LSAMP: variants seen among roughly 807,000 people sequenced by gnomAD.
LSAMP encodes limbic system-associated membrane protein.
LSAMP carries 7 observed loss-of-function variants against 38.6 expected under a neutral mutation model. The ratio of observed to expected loss-of-function variants is 0.18; its 90% CI spans 0.10 to 0.34. The LOEUF (loss-of-function observed/expected upper bound fraction) is 0.34, where lower values mean the gene tolerates loss of function less well. LSAMP is among the 10% of genes least tolerant of loss of function. LSAMP has a pLI of 1.00. For synonymous variants in LSAMP, 154 were observed against 166.8 expected, an observed-to-expected ratio of 0.92 and a Z score of 0.59; for missense variants, 313 against 420.0, an observed-to-expected ratio of 0.75 and a Z score of 2.23.
chr3:116,099,320 C>T (rs1044063716), intron 1 of LSAMP, among the ~76,000 whole-genome samples: 2 of 152,156 alleles, frequency 1.3e-5, no homozygotes, highest in African/African-American at 2.4e-5. Flanking sequence ...CATTTTCCCT[C>T]ACAAAGACTC....
chr3:116,068,753 T>A (rs1233003410), intron 2 of LSAMP, among the ~76,000 whole-genome samples: 1 of 152,230 alleles, frequency 6.6e-6, no homozygotes, highest in Non-Finnish European at 1.5e-5. Context: ...TGAATGTTAA[T>A]GTTAGAAAAT....
chr3:115,999,937 C>G (rs757704452), intron 3 of LSAMP, among the ~76,000 whole-genome samples: 41 of 152,250 alleles, frequency 2.7e-4, no homozygotes, highest in Non-Finnish European at 5.6e-4. Flanking sequence ...ATGTGGCGTT[C>G]CCCAGTCATT....
intron 4 of LSAMP, among the ~76,000 whole-genome samples, chr3:115,845,592 G>C (rs1187884356): frequency 6.6e-6 from 1 of 152,132 alleles, no homozygotes; most frequent in Non-Finnish European, 1.5e-5. Context: ...CTCCATGTCA[G>C]AAGGCTTATT....
At chr3:116,056,436 C>A (rs1306287163) in intron 2 of LSAMP, among the ~76,000 whole-genome samples, 2 of 152,014 alleles carry the variant, frequency 1.3e-5, no homozygotes, top group East Asian at 3.9e-4. Flanking sequence ...GGAATAGAAA[C>A]CAAAACTAAA....
intron 1 of LSAMP, among the ~76,000 whole-genome samples, chr3:116,178,148 T>A (rs1006606552): frequency 5.9e-5 from 9 of 151,994 alleles, no homozygotes; most frequent in Admixed American, 5.9e-4. Flanking sequence ...TGAATACATA[T>A]GCATGCAAAA....
intron 6 of LSAMP, 114 bp from the exon 7 acceptor site, chr3:115,810,528 A>G (rs1933790097): frequency 2.7e-6 from 2 of 727,344 alleles, no homozygotes; most frequent in Non-Finnish European, 4.8e-6. Context: ...CTAGCATCTC[A>G]AAGTTACTGC....
intron 1 of LSAMP, among the ~76,000 whole-genome samples, chr3:116,442,574 A>G (rs1044149372): frequency 1.3e-5 from 2 of 152,204 alleles, no homozygotes; most frequent in Non-Finnish European, 2.9e-5. Context: ...AAGGTCAGCT[A>G]AGAAGACAAA....
intron 3 of LSAMP, among the ~76,000 whole-genome samples, chr3:115,943,421 C>A (rs1456347295): frequency 6.6e-6 from 1 of 152,164 alleles, no homozygotes; most frequent in African/African-American, 2.4e-5. Context: ...ACCTCTCTTC[C>A]TCTTCACTGA....
At chr3:116,210,990 C>A (rs1406704336) in intron 1 of LSAMP, among the ~76,000 whole-genome samples, 1 of 151,238 alleles carries the variant, frequency 6.6e-6, no homozygotes. Flanking sequence ...CAATGGAATA[C>A]TACTCAACCT....
chr3:115,935,607 TG>T (rs1227204553), intron 3 of LSAMP, among the ~76,000 whole-genome samples: 1 of 152,296 alleles, frequency 6.6e-6, no homozygotes, highest in East Asian at 1.9e-4. Flanking sequence ...GAGAGTTGAT[TG>T]GGTAGCCACT....
intron 2 of LSAMP, among the ~76,000 whole-genome samples, chr3:116,027,749 T>C (rs999605834): frequency 6.6e-6 from 1 of 152,172 alleles, no homozygotes; most frequent in African/African-American, 2.4e-5. Context: ...TTTTAATGCC[T>C]TTATACTTGG....
chr3:116,214,264 A>G (rs1429767545), intron 1 of LSAMP, among the ~76,000 whole-genome samples: 1 of 152,198 alleles, frequency 6.6e-6, no homozygotes. Flanking sequence ...GCTTATCATT[A>G]TTTCAGCTAA....
At chr3:116,084,849 T>A (rs1707952232) in intron 2 of LSAMP, among the ~76,000 whole-genome samples, 1 of 152,120 alleles carries the variant, frequency 6.6e-6, no homozygotes, top group African/African-American at 2.4e-5. Context: ...CGAGATAATC[T>A]GAATAACTGG....
chr3:116,406,789 A>G (rs2048903457), intron 1 of LSAMP, among the ~76,000 whole-genome samples: 1 of 152,096 alleles, frequency 6.6e-6, no homozygotes, highest in Admixed American at 6.6e-5. Flanking sequence ...CTAAGGTAGA[A>G]CAAAATAAAG....
At chr3:115,968,952 G>A (rs570649882) in intron 3 of LSAMP, among the ~76,000 whole-genome samples, 1 of 152,314 alleles carries the variant, frequency 6.6e-6, no homozygotes, top group African/African-American at 2.4e-5. Flanking sequence ...GGTCTACCCA[G>A]TCTTGCTTTC....
intron 1 of LSAMP, among the ~76,000 whole-genome samples, chr3:116,273,440 A>T (rs2047000307): frequency 6.6e-6 from 1 of 151,836 alleles, no homozygotes; most frequent in Non-Finnish European, 1.5e-5. Context: ...CAATTCAAAA[A>T]TTCAACCCCA....
intron 3 of LSAMP, among the ~76,000 whole-genome samples, chr3:116,000,772 C>T (rs1939967390): frequency 6.6e-6 from 1 of 152,144 alleles, no homozygotes; most frequent in African/African-American, 2.4e-5. Flanking sequence ...ACCCCACATG[C>T]TCACCAAATG....
chr3:116,415,158 A>G (rs572059824), intron 1 of LSAMP, among the ~76,000 whole-genome samples: 1 of 152,200 alleles, frequency 6.6e-6, no homozygotes, highest in South Asian at 2.1e-4. Context: ...TCCCCATTGC[A>G]ATAGTCTTTC....
intron 1 of LSAMP, among the ~76,000 whole-genome samples, chr3:116,245,654 G>T (rs1014094187): frequency 6.6e-6 from 1 of 151,976 alleles, no homozygotes; most frequent in Non-Finnish European, 1.5e-5. Flanking sequence ...CTTCTTTGGA[G>T]AAATTATAAA....
Sources: allele counts gnomAD v4.1 joint callset (sites outside exome capture counted in the v4.1 genomes callset), GRCh38; gene constraint gnomAD v4.1.1; transcripts MANE v1.5; gene names NCBI Gene and HGNC (gene_info 2026-07-23, HGNC 2026-07-21).